PRMT3: variants seen among roughly 807,000 people sequenced by gnomAD.
PRMT3 encodes protein arginine N-methyltransferase 3.
PRMT3 carries 62 observed loss-of-function variants against 71.9 expected under a neutral mutation model. That is an observed-to-expected ratio of 0.86 (90% CI 0.70 to 1.07). PRMT3 has a LOEUF of 1.07. Among genes scored for constraint, PRMT3 ranks in the 50% least tolerant of loss-of-function variants. The probability of loss-of-function intolerance (pLI) is 0.00; values close to 1 mark genes in which losing one functional copy is unlikely to be tolerated. For synonymous variants in PRMT3, 213 were observed against 220.4 expected (o/e 0.97, Z 0.30); for missense variants, 663 against 643.0 (o/e 1.03, Z -0.34).
At chr11:20,480,694 C>T (rs1472207092) in intron 13 of PRMT3, among the ~76,000 whole-genome samples, 1 of 152,028 alleles carries the variant, frequency 6.6e-6, no homozygotes, top group Admixed American at 6.6e-5. Flanking sequence ...GCAGTTTTAG[C>T]GGACTTGTTC....
intron 13 of PRMT3, among the ~76,000 whole-genome samples, chr11:20,476,109 G>A (rs1850776849): frequency 6.6e-6 from 1 of 151,886 alleles, no homozygotes; most frequent in Admixed American, 6.6e-5. Flanking sequence ...TAGCACTTTG[G>A]GAGGCCGAGG....
chr11:20,400,344 T>C (rs1848921374), intron 7 of PRMT3, among the ~76,000 whole-genome samples: 1 of 152,206 alleles, frequency 6.6e-6, no homozygotes, highest in Non-Finnish European at 1.5e-5. Flanking sequence ...TGTGATCTTA[T>C]TTCTTTAGAT....
At chr11:20,498,276 C>T (rs1485171324) in intron 15 of PRMT3, among the ~76,000 whole-genome samples, 3 of 152,156 alleles carry the variant, frequency 2.0e-5, no homozygotes, top group Non-Finnish European at 1.5e-5. Context: ...ATATTTGATA[C>T]AAGCTACACA....
At chr11:20,454,591 A>G (rs1850226843) in intron 11 of PRMT3, among the ~76,000 whole-genome samples, 1 of 152,200 alleles carries the variant, frequency 6.6e-6, no homozygotes, top group African/African-American at 2.4e-5. Context: ...AGTTCAGAAA[A>G]GAGTAACAAA....
intron 7 of PRMT3, among the ~76,000 whole-genome samples, chr11:20,398,478 A>G (rs1224940228): frequency 6.6e-6 from 1 of 151,970 alleles, no homozygotes; most frequent in Non-Finnish European, 1.5e-5. Context: ...GTTGAGATGG[A>G]GTCTCGCTCT....
intron 15 of PRMT3, among the ~76,000 whole-genome samples, chr11:20,497,856 G>C (rs1474362426): frequency 6.6e-6 from 1 of 152,256 alleles, no homozygotes. Flanking sequence ...AAAGAACTAA[G>C]CTGCAAGTAA....
intron 8 of PRMT3, chr11:20,407,608 T>C: frequency 5.1e-6 from 1 of 196,712 alleles, no homozygotes; most frequent in Non-Finnish European, 1.1e-5. Flanking sequence ...GTAGTAGCCT[T>C]TCAACAACTT....
chr11:20,490,571 C>T (rs1204580660), intron 13 of PRMT3, among the ~76,000 whole-genome samples: 1 of 151,726 alleles, frequency 6.6e-6, no homozygotes, highest in Non-Finnish European at 1.5e-5. Flanking sequence ...AAAATAAATC[C>T]TAGTAAGCTA....
intron 10 of PRMT3, among the ~76,000 whole-genome samples, chr11:20,435,732 T>C (rs1255556027): frequency 6.6e-6 from 1 of 152,214 alleles, no homozygotes; most frequent in Non-Finnish European, 1.5e-5. Flanking sequence ...CATGCTGTTT[T>C]GGTTACTATA....
chr11:20,474,357 CCT>C lies in PRMT3; in HGVS notation c.1347+9816_1347+9817del, dbSNP rs139058148. ...GGGAATTTGGTGCTTCTCAGGCAAACCTCTCTGACTGGAATTCCAAGCCAGTG... is the reference window on the plus strand; with the variant it reads ...GGGAATTTGGTGCTTCTCAGGCAAACCTCTGACTGGAATTCCAAGCCAGTG... On this transcript the variant is annotated intron_variant, in intron 13 of 15. Coordinates refer to ENST00000331079, the MANE Select transcript of PRMT3 (RefSeq NM_005788.4). 9.5e-3 allele frequency among the ~76,000 whole-genome samples: 1,451 copies of C among 152,308 alleles called. 30 individuals carry two copies. The highest frequency in any genetic ancestry group is 0.034 in the African/African-American group (1,400 of 41,568).
At chr11:20,428,401 C>A (rs1008574522) in intron 10 of PRMT3, among the ~76,000 whole-genome samples, 1 of 152,166 alleles carries the variant, frequency 6.6e-6, no homozygotes, top group African/African-American at 2.4e-5. Context: ...CCTGTTACCT[C>A]AGTTGAACAT....
chr11:20,402,882 G>A, intron 7 of PRMT3, 37 bp from the exon 8 acceptor site: 2 of 1,515,592 alleles, frequency 1.3e-6, no homozygotes, highest in Non-Finnish European at 1.8e-6. Flanking sequence ...TGTTTAGACT[G>A]TCCTATAAAC....
At chr11:20,458,523 A>C (rs889230507) in intron 11 of PRMT3, among the ~76,000 whole-genome samples, 1 of 152,216 alleles carries the variant, frequency 6.6e-6, no homozygotes, top group African/African-American at 2.4e-5. Flanking sequence ...TTTCACCTAC[A>C]ACAAGAAATA....
At chr11:20,402,355 G>C (rs917126604) in intron 7 of PRMT3, among the ~76,000 whole-genome samples, 1 of 152,174 alleles carries the variant, frequency 6.6e-6, no homozygotes, top group Non-Finnish European at 1.5e-5. Flanking sequence ...CTGACCTCAA[G>C]TGATCCTCTT....
chr11:20,413,457 G>C (rs534891802), intron 9 of PRMT3, among the ~76,000 whole-genome samples: 1 of 152,234 alleles, frequency 6.6e-6, no homozygotes, highest in East Asian at 1.9e-4. Context: ...AAATGAGGTT[G>C]ATGGAGTCTT....
intron 11 of PRMT3, among the ~76,000 whole-genome samples, chr11:20,453,499 A>G (rs1850200010): frequency 1.3e-5 from 2 of 151,342 alleles, no homozygotes; most frequent in South Asian, 4.2e-4. Context: ...AAAAAAAATC[A>G]GTAAGGCCAA....
At chr11:20,441,317 A>T (rs912351106) in intron 10 of PRMT3, among the ~76,000 whole-genome samples, 12 of 133,588 alleles carry the variant, frequency 9.0e-5, no homozygotes, top group African/African-American at 2.6e-4. Flanking sequence ...ATTTATTTAT[A>T]TATTTTGAGA....
chr11:20,465,748 T>C (rs893105112), intron 13 of PRMT3, among the ~76,000 whole-genome samples: 6 of 152,064 alleles, frequency 3.9e-5, no homozygotes, highest in Non-Finnish European at 8.8e-5. Context: ...TTTGGAGCAC[T>C]CATTATTTAT....
chr11:20,396,140 T>C (rs1848821800), intron 6 of PRMT3, among the ~76,000 whole-genome samples, 178 bp downstream of exon 6: 2 of 152,266 alleles, frequency 1.3e-5, no homozygotes, highest in South Asian at 2.1e-4. Context: ...TTAATTAATA[T>C]AAAATCTTAT....
Sources: gnomAD v4.1 joint callset for allele counts (sites outside exome capture counted in the v4.1 genomes callset) on GRCh38, gnomAD v4.1.1 for gene constraint, MANE v1.5 for transcripts, NCBI Gene and HGNC (gene_info 2026-07-23, HGNC 2026-07-21) for gene names.